Variants in CATSPERB observed in about 807,000 individuals in gnomAD.
CATSPERB encodes the protein cation channel sperm-associated auxiliary subunit beta.
Under a neutral mutation model 128.3 loss-of-function variants are expected in CATSPERB, and 93 were observed. The observed-to-expected ratio is 0.72, with a 90% CI of 0.61 to 0.86. The LOEUF is 0.86. CATSPERB is among the 40% of genes least tolerant of loss of function. The probability of loss-of-function intolerance (pLI) is 0.00; values close to 1 mark genes in which losing one functional copy is unlikely to be tolerated. For synonymous variants in CATSPERB, 381 were observed against 448.8 expected (o/e 0.85, Z 1.91); for missense variants, 1,153 against 1,329.5 (o/e 0.87, Z 2.06).
At chr14:91,604,545 G>A (rs1893664869) in intron 22 of CATSPERB, 8 of 1,607,862 alleles carry the variant, frequency 5.0e-6, no homozygotes, top group East Asian at 2.2e-5. Flanking sequence ...TCACTGGCAG[G>A]AGAATTTGGC....
intron 20 of CATSPERB, among the ~76,000 whole-genome samples, chr14:91,611,169 A>T (rs1475657774): frequency 1.3e-5 from 2 of 152,242 alleles, no homozygotes; most frequent in Non-Finnish European, 2.9e-5. Flanking sequence ...AAAGAAATAC[A>T]AAAAGACATG....
At chr14:91,690,272 C>G (rs868568960) in intron 10 of CATSPERB, among the ~76,000 whole-genome samples, 1 of 152,158 alleles carries the variant, frequency 6.6e-6, no homozygotes, top group Non-Finnish European at 1.5e-5. Context: ...GGGTTACAGG[C>G]GTGGGCTATC....
At position 91,639,161 on chromosome 14, in the gene CATSPERB, G is replaced by C. The variant is rs1160260691; in HGVS notation, c.1522C>G (p.Leu508Val). 3.7e-6 allele frequency: 6 copies of C among 1,613,856 alleles called. No homozygotes were observed. The highest frequency in any genetic ancestry group is 1.1e-5 in the South Asian group (1 of 91,082). Residue 508 changes from leucine to valine, a missense_variant, in exon 16 of 27, where the codon CTG becomes GTG. By Grantham distance (32) the Leu-to-Val change is conservative (BLOSUM62 1). Transcript: ENST00000256343. ...GGTCCACTAGCTTCAAAGCGACCCA[G>C]AGTCAGCTTATGTAGGAATCCCAAG... ...DHLGFLHKLTLGRFEASGPPT... is the reference protein window; with the variant it reads ...DHLGFLHKLTVGRFEASGPPT...
intron 5 of CATSPERB, 72 bp from the exon 6 acceptor site, chr14:91,708,308 T>C (rs1895771834): frequency 5.3e-6 from 5 of 936,054 alleles, no homozygotes; most frequent in African/African-American, 1.7e-5. Flanking sequence ...TAAGGATATG[T>C]GAACATTACC....
chr14:91,698,301 G>C (rs1895595475), intron 7 of CATSPERB, among the ~76,000 whole-genome samples: 1 of 152,196 alleles, frequency 6.6e-6, no homozygotes, highest in South Asian at 2.1e-4. Context: ...GGGTTTCTAG[G>C]TATAAAATCA....
chr14:91,620,233 A>G (rs902953559), intron 19 of CATSPERB, among the ~76,000 whole-genome samples: 1 of 151,688 alleles, frequency 6.6e-6, no homozygotes, highest in Non-Finnish European at 1.5e-5. Flanking sequence ...GAGTTTTCCT[A>G]ATTCTCTCTT....
intron 18 of CATSPERB, among the ~76,000 whole-genome samples, chr14:91,623,818 G>A (rs1266423363): frequency 1.3e-5 from 2 of 152,144 alleles, no homozygotes; most frequent in East Asian, 3.9e-4. Context: ...TAAACCCTTA[G>A]AATAAACTGT....
Position 91,691,374 on chromosome 14 carries a change from T to C in CATSPERB, c.864+149A>G, listed in dbSNP as rs113712602. 7.8e-3 allele frequency: 2,760 copies of C among 352,764 alleles called. 71 individuals are homozygous for C. Among genetic ancestry groups the C allele is most frequent in the African/African-American group, 0.052 (2,449 of 46,818 alleles). 21.9% of individuals were successfully genotyped at this position (352,764 alleles called of 1,614,324 possible). A position where few individuals can be genotyped will look rare whatever the true frequency, so the allele number is the denominator to read the frequency against. On this transcript the variant is annotated intron_variant, in intron 10 of 26. Coordinates refer to ENST00000256343, the MANE Select transcript of CATSPERB (RefSeq NM_024764.4). ...AAATAATATATGCTACAAATTCATA[T>C]ATATAAAAAAATATATATTTTGTTT...
At chr14:91,728,300 A>G (rs1026953025) in intron 2 of CATSPERB, among the ~76,000 whole-genome samples, 2 of 152,022 alleles carry the variant, frequency 1.3e-5, no homozygotes, top group East Asian at 1.9e-4. Context: ...TTTTTTATAG[A>G]GAAGAGGTTT....
At chr14:91,631,947 G>T (rs2139798167) in intron 17 of CATSPERB, among the ~76,000 whole-genome samples, 1 of 151,460 alleles carries the variant, frequency 6.6e-6, no homozygotes, top group Admixed American at 6.6e-5. Context: ...AATAAAACAG[G>T]GTGTAAAAGT....
chr14:91,601,616 T>C (rs1893608496), intron 22 of CATSPERB, among the ~76,000 whole-genome samples: 1 of 152,166 alleles, frequency 6.6e-6, no homozygotes, highest in Non-Finnish European at 1.5e-5. Context: ...TCTAGGGATC[T>C]GATTCTCACA....
At chr14:91,684,028 C>A in intron 10 of CATSPERB, 85 bp from the exon 11 acceptor site, 3 of 921,598 alleles carry the variant, frequency 3.3e-6, no homozygotes, top group Non-Finnish European at 4.8e-6. Flanking sequence ...TAAAAAATTT[C>A]AAAGTTTGAT....
At position 91,725,132 on chromosome 14, in the gene CATSPERB, C is replaced by G; in HGVS notation, c.116G>C (p.Gly39Ala). 6.3e-7 allele frequency: 1 copy of G among 1,576,512 alleles called. No individual in the cohort carries two copies. The highest frequency in any genetic ancestry group is 8.6e-7 in the Non-Finnish European group (1 of 1,163,156). The change falls in exon 3 of 27, where the codon GGG (glycine) becomes GCG (alanine). Residue 39 changes from glycine (G) to alanine (A), a missense_variant. Transcript: ENST00000256343. The part of the protein sequence containing the change: ...TEKRFACSNK[G>A]FPQENEIIKL... ...GATTATTTCATTCTCTTGAGGGAAC[C>G]CTTTGTTAGAACATGCAAAGCGTTT... is the stretch of plus-strand genomic sequence containing the variant.
At chr14:91,628,546 T>C (rs1170665633) in intron 17 of CATSPERB, among the ~76,000 whole-genome samples, 1 of 152,174 alleles carries the variant, frequency 6.6e-6, no homozygotes, top group East Asian at 1.9e-4. Context: ...GGGGGCGGTT[T>C]TCCCCATGCT....
intron 22 of CATSPERB, chr14:91,604,633 C>T: frequency 1.2e-6 from 2 of 1,611,690 alleles, no homozygotes; most frequent in South Asian, 2.2e-5. Context: ...TGTTCCAGGA[C>T]TGGGTGCACC....
intron 17 of CATSPERB, among the ~76,000 whole-genome samples, chr14:91,633,823 T>C (rs1195379038): frequency 6.8e-6 from 1 of 148,096 alleles, no homozygotes; most frequent in Non-Finnish European, 1.5e-5. Context: ...TGCTTAAATA[T>C]ATATATATAG....
intron 22 of CATSPERB, among the ~76,000 whole-genome samples, chr14:91,606,544 C>T (rs918991141): frequency 6.6e-6 from 1 of 152,182 alleles, no homozygotes; most frequent in African/African-American, 2.4e-5. Flanking sequence ...GCCTGCGTGA[C>T]AGAGCGATAC....
At chr14:91,601,816 A>C (rs906478452) in intron 22 of CATSPERB, among the ~76,000 whole-genome samples, 4 of 152,098 alleles carry the variant, frequency 2.6e-5, no homozygotes, top group Admixed American at 2.6e-4. Flanking sequence ...AGCTAGCTCT[A>C]AACAACAAAA....
intron 5 of CATSPERB, among the ~76,000 whole-genome samples, chr14:91,715,438 G>A (rs1895921346): frequency 6.6e-6 from 1 of 151,116 alleles, no homozygotes; most frequent in African/African-American, 2.4e-5. Flanking sequence ...TGTAATCCCA[G>A]CTACTGAGGA....
Sources: allele counts gnomAD v4.1 joint callset (sites outside exome capture counted in the v4.1 genomes callset), GRCh38; gene constraint gnomAD v4.1.1; transcripts MANE v1.5; gene names NCBI Gene and HGNC (gene_info 2026-07-23, HGNC 2026-07-21).